RIMS1: variants seen among roughly 807,000 people sequenced by gnomAD.
RIMS1 encodes regulating synaptic membrane exocytosis protein 1.
Under a neutral mutation model 214.1 loss-of-function variants are expected in RIMS1, and 83 were observed. That is an observed-to-expected ratio of 0.39 (90% CI 0.32 to 0.47). The LOEUF (loss-of-function observed/expected upper bound fraction) is 0.47. RIMS1 is among the 20% of genes least tolerant of loss of function. The pLI is 0.99. For synonymous variants in RIMS1, 793 were observed against 786.8 expected, an observed-to-expected ratio of 1.01 and a Z score of -0.13; for missense variants, 2,050 against 2,161.8, an observed-to-expected ratio of 0.95 and a Z score of 1.03.
chr6:72,054,055 C>A (rs113889530), intron 2 of RIMS1, among the ~76,000 whole-genome samples: 1 of 151,978 alleles, frequency 6.6e-6, no homozygotes, highest in East Asian at 1.9e-4. Context: ...AGCTATTTGT[C>A]CTAATTGCTC....
At chr6:72,225,554 C>T (rs767974908) in intron 6 of RIMS1, among the ~76,000 whole-genome samples, 1 of 152,150 alleles carries the variant, frequency 6.6e-6, no homozygotes, top group South Asian at 2.1e-4. Flanking sequence ...AATGTCTTTG[C>T]TGTGAACTTG....
chr6:71,992,404 C>CTCTCTCTCTCTT (rs1252103778), intron 2 of RIMS1, among the ~76,000 whole-genome samples: 2 of 110,080 alleles, frequency 1.8e-5, no homozygotes, highest in Non-Finnish European at 3.7e-5. Flanking sequence ...TTCTCTCTCT[C>CTCTCTCTCTCTT]TCTTTCTTTC....
intron 29 of RIMS1, among the ~76,000 whole-genome samples, chr6:72,381,912 A>G (rs1036265008): frequency 6.6e-6 from 1 of 152,220 alleles, no homozygotes; most frequent in African/African-American, 2.4e-5. Context: ...AAAATAAAAC[A>G]TTTTATATCT....
chr6:72,250,288 C>T, intron 12 of RIMS1, 42 bp from the exon 13 acceptor site: 3 of 1,567,198 alleles, frequency 1.9e-6, no homozygotes, highest in East Asian at 4.6e-5. Flanking sequence ...ATTGTAATGC[C>T]TCATGATTTT....
intron 29 of RIMS1, among the ~76,000 whole-genome samples, chr6:72,353,236 C>G (rs2097525011): frequency 6.6e-6 from 1 of 152,038 alleles, no homozygotes; most frequent in African/African-American, 2.4e-5. Context: ...CCACCAGCCT[C>G]AGCCTCCCAA....
chr6:72,392,903 G>T (rs2098722343), intron 31 of RIMS1, 93 bp downstream of exon 31: 1 of 821,040 alleles, frequency 1.2e-6, no homozygotes, highest in Non-Finnish European at 2.0e-6. Flanking sequence ...AGCAATACAA[G>T]TGAGAAGCAA....
intron 12 of RIMS1, among the ~76,000 whole-genome samples, chr6:72,249,831 T>C (rs2154133047): frequency 6.6e-6 from 1 of 152,196 alleles, no homozygotes; most frequent in African/African-American, 2.4e-5. Flanking sequence ...CTGTATAAAA[T>C]AGGCCCACAG....
chr6:71,967,249 G>C (rs891640338), intron 1 of RIMS1, among the ~76,000 whole-genome samples: 1 of 152,040 alleles, frequency 6.6e-6, no homozygotes, highest in Non-Finnish European at 1.5e-5. Context: ...TTAACCAGGC[G>C]TGGTGGTGGG....
intron 26 of RIMS1, among the ~76,000 whole-genome samples, chr6:72,294,520 A>G (rs1163964753): frequency 6.6e-6 from 1 of 151,786 alleles, no homozygotes; most frequent in Non-Finnish European, 1.5e-5. Flanking sequence ...TTAGATTACT[A>G]GATACTGATA....
chr6:72,287,548 C>T (rs2092563517), intron 24 of RIMS1, among the ~76,000 whole-genome samples: 1 of 151,408 alleles, frequency 6.6e-6, no homozygotes, highest in Non-Finnish European at 1.5e-5. Flanking sequence ...AGATGGTAAA[C>T]TTAGGGTCAG....
intron 29 of RIMS1, among the ~76,000 whole-genome samples, chr6:72,342,800 AAC>A (rs1195636065): frequency 6.6e-6 from 1 of 151,818 alleles, no homozygotes. Flanking sequence ...ATAATTCAAG[AAC>A]ACAAGTTTAT....
intron 2 of RIMS1, among the ~76,000 whole-genome samples, chr6:72,034,309 A>T (rs1818964417): frequency 6.6e-6 from 1 of 152,190 alleles, no homozygotes; most frequent in South Asian, 2.1e-4. Context: ...TCCAAAATTC[A>T]AATTTAACTG....
At chr6:72,148,156 C>A (rs2042998923) in intron 4 of RIMS1, among the ~76,000 whole-genome samples, 1 of 152,142 alleles carries the variant, frequency 6.6e-6, no homozygotes, top group African/African-American at 2.4e-5. Context: ...GGGGATTCAT[C>A]TGAGGGGTGT....
At chr6:72,291,098 TTA>T (rs531066295) in intron 25 of RIMS1, among the ~76,000 whole-genome samples, 7 of 152,328 alleles carry the variant, frequency 4.6e-5, no homozygotes, top group Non-Finnish European at 1.0e-4. Flanking sequence ...TTTGGCTGTG[TTA>T]TGTCCTTTCA....
At chr6:72,142,228 T>C (rs974666094) in intron 4 of RIMS1, among the ~76,000 whole-genome samples, 6 of 151,994 alleles carry the variant, frequency 3.9e-5, no homozygotes, top group Admixed American at 2.0e-4. Context: ...CCTCCCTTTA[T>C]AGGAGAAAAG....
chr6:72,006,857 T>C (rs1807893397), intron 2 of RIMS1, among the ~76,000 whole-genome samples: 1 of 152,178 alleles, frequency 6.6e-6, no homozygotes, highest in South Asian at 2.1e-4. Flanking sequence ...CCACCACAGA[T>C]GAAGGAGGTC....
intron 9 of RIMS1, among the ~76,000 whole-genome samples, chr6:72,239,526 A>G (rs537512420): frequency 1.1e-3 from 168 of 152,332 alleles, no homozygotes; most frequent in Non-Finnish European, 1.8e-3. Context: ...ATTTGCATTT[A>G]TGCAAATAGA....
intron 1 of RIMS1, among the ~76,000 whole-genome samples, chr6:71,925,792 A>G (rs1290657296): frequency 6.6e-6 from 1 of 152,228 alleles, no homozygotes; most frequent in African/African-American, 2.4e-5. Context: ...TTTCAAAACT[A>G]AGGATTGGCT....
At chr6:72,033,204 G>C (rs545767853) in intron 2 of RIMS1, among the ~76,000 whole-genome samples, 43 of 152,206 alleles carry the variant, frequency 2.8e-4, no homozygotes, top group African/African-American at 1.0e-3. Flanking sequence ...ACAAAATCAC[G>C]GCTGCCTAGT....
Sources: gnomAD v4.1 joint callset for allele counts (sites outside exome capture counted in the v4.1 genomes callset) on GRCh38, gnomAD v4.1.1 for gene constraint, MANE v1.5 for transcripts, NCBI Gene and HGNC (gene_info 2026-07-23, HGNC 2026-07-21) for gene names.